Variants in PTPRD observed in about 807,000 individuals in gnomAD.
PTPRD encodes protein tyrosine phosphatase receptor type D.
In PTPRD, 34 loss-of-function variants were observed where a neutral mutation model predicts 214.5. That is an observed-to-expected ratio of 0.16 (90% CI 0.12 to 0.21). The LOEUF (loss-of-function observed/expected upper bound fraction) is 0.21. Ranked by LOEUF, PTPRD falls within the 10% of genes least tolerant of loss-of-function variation. The pLI is 1.00. For synonymous variants in PTPRD, 1,128 were observed against 845.7 expected, an observed-to-expected ratio of 1.33 and a Z score of -5.79; for missense variants, 2,545 against 2,398.7, an observed-to-expected ratio of 1.06 and a Z score of -1.27.
chr9:9,558,061 C>T (rs565439148), intron 8 of PTPRD, among the ~76,000 whole-genome samples: 3 of 152,250 alleles, frequency 2.0e-5, no homozygotes, highest in South Asian at 2.1e-4. Flanking sequence ...TCTCTGAGCA[C>T]GAGTAAGCTG....
chr9:8,616,452 T>G lies in PTPRD; in HGVS notation c.352+16865A>C, dbSNP rs183565796. ...TGTCTTCATAAAATTTCAAAGCCCA[T>G]GTGTTAAAGGAAAGAAGTATTTCAA... On this transcript the variant is annotated intron_variant, in intron 14 of 45. Coordinates refer to ENST00000381196, the MANE Select transcript of PTPRD (RefSeq NM_002839.4). 3.3e-5 allele frequency among the ~76,000 whole-genome samples: 5 copies of G among 152,218 alleles called. No individual in the cohort carries two copies. The East Asian group carries it at 9.7e-4, about 29-fold the overall frequency.
chr9:8,514,513 T>C (rs1272028523), intron 21 of PTPRD, among the ~76,000 whole-genome samples: 2 of 150,646 alleles, frequency 1.3e-5, no homozygotes, highest in East Asian at 2.0e-4. Flanking sequence ...CCACTTCTTT[T>C]AGATAAACTT....
At chr9:9,811,433 C>T (rs2821481) in intron 5 of PTPRD, among the ~76,000 whole-genome samples, 27,625 of 151,888 alleles carry the variant, frequency 0.18, 3,014 homozygotes, top group African/African-American at 0.3. Flanking sequence ...GTGGGCCAGG[C>T]GCGGTGGCTC....
chr9:9,748,210 G>A (rs1297878342), intron 6 of PTPRD, among the ~76,000 whole-genome samples: 2 of 152,136 alleles, frequency 1.3e-5, no homozygotes, highest in Non-Finnish European at 2.9e-5. Flanking sequence ...AATCTTCTAT[G>A]TCTTATTACT....
chr9:10,522,255 G>T (rs2052583964), intron 2 of PTPRD, among the ~76,000 whole-genome samples: 1 of 152,066 alleles, frequency 6.6e-6, no homozygotes, highest in Admixed American at 6.6e-5. Flanking sequence ...TAATGCCAGG[G>T]CCAATATCTG....
At chr9:10,141,385 TA>T (rs1406494326) in intron 3 of PTPRD, among the ~76,000 whole-genome samples, 3 of 152,120 alleles carry the variant, frequency 2.0e-5, no homozygotes, top group African/African-American at 7.2e-5. Flanking sequence ...CTTAAGCTGA[TA>T]AGCAACTTCA....
At chr9:9,299,444 A>C (rs1954411738) in intron 9 of PTPRD, among the ~76,000 whole-genome samples, 1 of 151,708 alleles carries the variant, frequency 6.6e-6, no homozygotes, top group East Asian at 1.9e-4. Flanking sequence ...AGATTTTTCC[A>C]GTGCACAATT....
chr9:9,253,456 C>T (rs1016282365), intron 9 of PTPRD, among the ~76,000 whole-genome samples: 5 of 151,784 alleles, frequency 3.3e-5, no homozygotes, highest in African/African-American at 1.2e-4. Context: ...TTGGCATATT[C>T]ATTATGTTGT....
intron 2 of PTPRD, among the ~76,000 whole-genome samples, chr9:10,428,634 T>C (rs1371964372): frequency 6.6e-6 from 1 of 152,076 alleles, no homozygotes; most frequent in East Asian, 1.9e-4. Flanking sequence ...ATGTTATTTT[T>C]AATAAACTTT....
chr9:9,321,929 G>A (rs550155230), intron 9 of PTPRD, among the ~76,000 whole-genome samples: 5 of 152,182 alleles, frequency 3.3e-5, no homozygotes, highest in Admixed American at 6.5e-5. Flanking sequence ...GTACTTTATC[G>A]CTCTCATTAA....
chr9:8,341,547 G>T, intron 40 of PTPRD, 146 bp downstream of exon 40: 1 of 969,752 alleles, frequency 1.0e-6, no homozygotes, highest in Non-Finnish European at 1.5e-6. Context: ...AAAAGGGGAG[G>T]AATACATTTT....
At chr9:8,528,492 C>T (rs763169888) in intron 15 of PTPRD, 99 bp downstream of exon 15, 5 of 1,088,682 alleles carry the variant, frequency 4.6e-6, no homozygotes, top group Middle Eastern at 2.0e-4. Flanking sequence ...AAAATCAGTA[C>T]CTAGAAATAA....
In PTPRD at chr9:9,589,175, C is replaced by A. The variant is rs180859816; in HGVS notation, c.-286-14394G>T. On this transcript the variant is annotated intron_variant, in intron 7 of 45. Coordinates refer to ENST00000381196, the MANE Select transcript of PTPRD (RefSeq NM_002839.4). ...AACTGTGTATTAGTGAAAACCAATA[C>A]AACAGTAGTTTATTTGGTGTGTATT... is the stretch of plus-strand genomic sequence containing the variant. Among the ~76,000 whole-genome samples the A allele has an allele frequency of 3.9e-5, 6 of 151,974 alleles. No homozygotes were observed. The East Asian group carries it at 9.7e-4, about 25-fold the overall frequency.
chr9:9,735,485 G>C (rs375835776), intron 6 of PTPRD, among the ~76,000 whole-genome samples: 1 of 152,058 alleles, frequency 6.6e-6, no homozygotes, highest in East Asian at 1.9e-4. Flanking sequence ...ATTGTGTAAG[G>C]TTTTATATGT....
At chr9:9,632,817 G>A (rs2154360625) in intron 7 of PTPRD, among the ~76,000 whole-genome samples, 1 of 152,276 alleles carries the variant, frequency 6.6e-6, no homozygotes, top group Middle Eastern at 3.4e-3. Context: ...TGGGAACTAA[G>A]AATGGTTTGG....
chr9:10,297,580 G>GTT (rs5896384), intron 3 of PTPRD, among the ~76,000 whole-genome samples: 1 of 144,388 alleles, frequency 6.9e-6, no homozygotes, highest in Non-Finnish European at 1.5e-5. Context: ...AATGAGTTGT[G>GTT]TTTTTTTTTT....
At chr9:8,777,390 C>T (rs974417710) in intron 11 of PTPRD, among the ~76,000 whole-genome samples, 10 of 152,050 alleles carry the variant, frequency 6.6e-5, no homozygotes, top group African/African-American at 2.4e-4. Flanking sequence ...AGAAAAATGA[C>T]ATCAATGTAA....
At chr9:10,552,805 T>C (rs1421894503) in intron 2 of PTPRD, among the ~76,000 whole-genome samples, 1 of 152,182 alleles carries the variant, frequency 6.6e-6, no homozygotes, top group African/African-American at 2.4e-5. Context: ...CAACAGGATC[T>C]TCACATGGCA....
intron 9 of PTPRD, among the ~76,000 whole-genome samples, chr9:9,372,739 A>T (rs1046492227): frequency 2.0e-5 from 3 of 152,128 alleles, no homozygotes; most frequent in Admixed American, 1.3e-4. Context: ...ATGTTTTCGC[A>T]GTGGCTGGTA....
Sources: allele counts gnomAD v4.1 joint callset (sites outside exome capture counted in the v4.1 genomes callset), GRCh38; gene constraint gnomAD v4.1.1; transcripts MANE v1.5; gene names NCBI Gene and HGNC (gene_info 2026-07-23, HGNC 2026-07-21).